The following SLCO4C1 variants were observed in gnomAD, a reference collection of about 807,000 sequenced individuals.
The protein encoded by SLCO4C1 is solute carrier organic anion transporter family member 4C1.
SLCO4C1 carries 58 observed loss-of-function variants against 72.1 expected under a neutral mutation model. The ratio of observed to expected loss-of-function variants is 0.80; its 90% CI spans 0.65 to 1.00. The LOEUF (loss-of-function observed/expected upper bound fraction) is 1.00. Ranked by LOEUF, SLCO4C1 falls within the 50% of genes least tolerant of loss-of-function variation. SLCO4C1 has a pLI of 0.00. For missense variants in SLCO4C1, 898 were observed against 857.9 expected, an observed-to-expected ratio of 1.05 and a Z score of -0.58; for synonymous variants, 297 against 312.5, an observed-to-expected ratio of 0.95 and a Z score of 0.52.
Position 102,270,773 on chromosome 5 carries a change from C to A in SLCO4C1, c.653G>T (p.Cys218Phe). 1 of 1,609,822 alleles carries A rather than the reference C, an allele frequency of 6.2e-7. No homozygotes were observed. Among genetic ancestry groups the A allele is most frequent in the Non-Finnish European group, 8.5e-7 (1 of 1,178,062 alleles). Residue 218 changes from cysteine (C) to phenylalanine (F), a missense_variant, in exon 3 of 13, where the codon TGT becomes TTT. Cys to Phe is a radical substitution (Grantham distance 205). Transcript: ENST00000310954. The part of the protein sequence containing the change: ...TCVTTRNSTS[C>F]TSSTSSLSNY... ...AGAAAGTGAAGAAGTTGAAGATGTA[C>A]AACTGGTGCTATTCCTTGTTGTTAC... is the stretch of plus-strand genomic sequence containing the variant.
chr5:102,283,417 G>GTGCTGAA (rs1315311689), intron 2 of SLCO4C1, among the ~76,000 whole-genome samples: 4 of 152,082 alleles, frequency 2.6e-5, no homozygotes, highest in African/African-American at 9.6e-5. Flanking sequence ...CTCTGCTAAA[G>GTGCTGAA]TGCTGAATAC....
At chr5:102,237,511 C>T (rs546336266) in intron 12 of SLCO4C1, among the ~76,000 whole-genome samples, 1 of 152,184 alleles carries the variant, frequency 6.6e-6, no homozygotes, top group East Asian at 1.9e-4. Flanking sequence ...ACTTGGGATG[C>T]TGACGTGAGA....
intron 11 of SLCO4C1, 95 bp downstream of exon 11, chr5:102,240,622 TA>T (rs748325986): frequency 5.2e-5 from 47 of 897,824 alleles, no homozygotes; most frequent in Non-Finnish European, 7.6e-5. Context: ...CCTTCCACTA[TA>T]ATTTTTTTTG....
intron 2 of SLCO4C1, among the ~76,000 whole-genome samples, chr5:102,274,319 T>A (rs1580259977): frequency 6.6e-6 from 1 of 152,244 alleles, no homozygotes; most frequent in East Asian, 1.9e-4. Flanking sequence ...AAATTAAGGA[T>A]TAGAACTGTA....
At chr5:102,248,976 T>C (rs1748685537) in intron 9 of SLCO4C1, among the ~76,000 whole-genome samples, 1 of 152,266 alleles carries the variant, frequency 6.6e-6, no homozygotes, top group East Asian at 1.9e-4. Flanking sequence ...GAATTAAATA[T>C]GAATTTGTAT....
intron 9 of SLCO4C1, among the ~76,000 whole-genome samples, chr5:102,247,742 C>G (rs11950380): frequency 6.6e-6 from 1 of 152,032 alleles, no homozygotes; most frequent in African/African-American, 2.4e-5. Flanking sequence ...CTTGCACATT[C>G]TACACTTCTT....
intron 2 of SLCO4C1, among the ~76,000 whole-genome samples, chr5:102,287,237 G>T (rs879411669): frequency 2.0e-5 from 3 of 151,944 alleles, no homozygotes; most frequent in African/African-American, 2.4e-5. Flanking sequence ...TCTCCCTAAA[G>T]TTTGACAAAT....
Position 102,261,959 on chromosome 5 carries a change from G to A in SLCO4C1, c.974C>T (p.Ala325Val). The change falls in exon 5 of 13, where the codon GCT (alanine) becomes GTT (valine). Residue 325 changes from alanine to valine, a missense_variant. By Grantham distance (64) the Ala-to-Val change is moderately conservative. Coordinates refer to ENST00000310954, the MANE Select transcript of SLCO4C1 (RefSeq NM_180991.5). ...AGAAAAAGGTATTATTAAAGACCAA[G>A]CAAAGATCCATGATAGAAGAAACCC... ...WIGFLLSWIF[A>V]WSLIIPFSCF... 9 of 1,613,018 alleles carry A rather than the reference G, an allele frequency of 5.6e-6. No homozygotes were observed. The Middle Eastern group carries it at 1.3e-3, about 237-fold the overall frequency.
intron 1 of SLCO4C1, 91 bp from the exon 2 acceptor site, chr5:102,291,697 T>C (rs1302857885): frequency 1.7e-6 from 2 of 1,146,876 alleles, no homozygotes; most frequent in East Asian, 2.8e-5. Flanking sequence ...ATTATTCATT[T>C]CTTTTTTTTC....
rs746685467 is a variant in SLCO4C1, at chr5:102,240,760, A to G, written c.1834T>C (p.Ser612Pro). ...ATAAATTGTATTCCCAAGGCTAGGG[A>G]CCGTTGTCTGTGATTAACACACCTG... The part of the protein sequence containing the change: ...ILRCVNHRQR[S>P]LALGIQFMVL... Residue 612 changes from serine to proline, a missense_variant, in exon 11 of 13, where the codon TCC becomes CCC. Coordinates refer to ENST00000310954, the MANE Select transcript of SLCO4C1 (RefSeq NM_180991.5). 2 of 1,612,026 alleles carry G rather than the reference A, an allele frequency of 1.2e-6. No homozygotes were observed. The highest frequency in any genetic ancestry group is 3.3e-5 in the Admixed American group (2 of 59,896).
chr5:102,291,341 A>T lies in SLCO4C1; in HGVS notation c.619+2T>A. ...ACAAACATAAACACAATAGAAACTT[A>T]CCTTCAAAAAGAGACCCCAATTTAT... On this transcript the variant is annotated splice_donor_variant, in intron 2 of 12. Transcript: ENST00000310954. LOFTEE classifies it high-confidence loss of function. 1 of 1,609,974 alleles carries T rather than the reference A, an allele frequency of 6.2e-7. No individual in the cohort carries two copies. Among genetic ancestry groups the T allele is most frequent in the Non-Finnish European group, 8.5e-7 (1 of 1,178,886 alleles).
intron 11 of SLCO4C1, among the ~76,000 whole-genome samples, chr5:102,239,720 T>TA (rs895922178): frequency 2.0e-4 from 31 of 152,098 alleles, no homozygotes; most frequent in African/African-American, 7.0e-4. Flanking sequence ...TTATACTTGT[T>TA]AAAAATCAAA....
At position 102,254,849 on chromosome 5, in the gene SLCO4C1, T is replaced by C. The variant is rs542297271; in HGVS notation, c.1469+2266A>G. ...CACTTGAGTTGCTTATTGCAATATA[T>C]GCTTTATTTTGGTGGTCTGGAAGCA... On this transcript the variant is annotated intron_variant, in intron 8 of 12. Transcript: ENST00000310954. 4.6e-5 allele frequency among the ~76,000 whole-genome samples: 7 copies of C among 152,340 alleles called. No individual in the cohort carries two copies. In the South Asian group the frequency reaches 1.2e-3, roughly 27 times the overall value.
chr5:102,285,236 CACAAATATAT>C (rs1279763277), intron 2 of SLCO4C1, among the ~76,000 whole-genome samples: 59 of 151,722 alleles, frequency 3.9e-4, no homozygotes, highest in African/African-American at 1.4e-3. Context: ...CACACACACA[CACAAATATAT>C]ACACACATAT....
chr5:102,248,831 G>C lies in SLCO4C1; in HGVS notation c.1620+807C>G, dbSNP rs760954997. ...AATCTGAATATTATTTATTTCCAAGGTTCTTAAGTTTAGCTAAGATGAAAT... is the reference window on the plus strand; with the variant it reads ...AATCTGAATATTATTTATTTCCAAGCTTCTTAAGTTTAGCTAAGATGAAAT... On this transcript the variant is annotated intron_variant, in intron 9 of 12. Coordinates refer to ENST00000310954, the MANE Select transcript of SLCO4C1 (RefSeq NM_180991.5). Among the ~76,000 whole-genome samples the C allele has an allele frequency of 2.8e-4, 43 of 151,778 alleles. 1 individual carries two copies. Among genetic ancestry groups the C allele is most frequent in the Admixed American group, 2.6e-4 (4 of 15,238 alleles).
Position 102,237,003 on chromosome 5 carries a change from A to G in SLCO4C1, c.2030T>C (p.Val677Ala), listed in dbSNP as rs752161247. ...MLVAISVTCKVITMFFNGFAI... is the reference protein window; with the variant it reads ...MLVAISVTCKAITMFFNGFAI... ...AAATCCATTGAAGAACATGGTGATA[A>G]CTTTACAAGTAACACCTAAGTGAAA... Residue 677 changes from valine to alanine, a missense_variant, in exon 13 of 13, where the codon GTT becomes GCT. Transcript: ENST00000310954. 2.5e-6 allele frequency: 4 copies of G among 1,602,664 alleles called. No individual in the cohort carries two copies. Among genetic ancestry groups the G allele is most frequent in the Non-Finnish European group, 3.4e-6 (4 of 1,177,300 alleles).
intron 2 of SLCO4C1, among the ~76,000 whole-genome samples, chr5:102,286,127 C>T (rs887043237): frequency 2.6e-5 from 4 of 152,004 alleles, no homozygotes; most frequent in Admixed American, 2.6e-4. Flanking sequence ...GAAGCATTCT[C>T]TCTCAAATGC....
At chr5:102,291,980 C>T (rs1006238923) in intron 1 of SLCO4C1, among the ~76,000 whole-genome samples, 1 of 152,014 alleles carries the variant, frequency 6.6e-6, no homozygotes, top group African/African-American at 2.4e-5. Flanking sequence ...CACCACCACA[C>T]CTGGCTAATT....
chr5:102,290,563 T>C (rs140494927), intron 2 of SLCO4C1, among the ~76,000 whole-genome samples: 2,160 of 152,296 alleles, frequency 0.014, 22 homozygotes, highest in South Asian at 0.028. Flanking sequence ...ATAATTCCTA[T>C]AGCATAACAG....
Sources: allele counts gnomAD v4.1 joint callset (sites outside exome capture counted in the v4.1 genomes callset), GRCh38; gene constraint gnomAD v4.1.1; transcripts MANE v1.5; gene names NCBI Gene and HGNC (gene_info 2026-07-23, HGNC 2026-07-21).